The following CACNA1C variants were observed in gnomAD, a reference collection of about 807,000 sequenced individuals.
CACNA1C encodes the protein calcium voltage-gated channel subunit alpha1 C, also known as voltage-dependent L-type calcium channel subunit alpha-1C.
CACNA1C carries 30 observed loss-of-function variants against 229.0 expected under a neutral mutation model. The observed-to-expected ratio is 0.13, with a 90% CI of 0.10 to 0.18. The LOEUF (loss-of-function observed/expected upper bound fraction) is 0.18, where lower values mean the gene tolerates loss of function less well. Among genes scored for constraint, CACNA1C ranks in the 10% least tolerant of loss-of-function variants. The probability of loss-of-function intolerance (pLI) is 1.00; values close to 1 mark genes in which losing one functional copy is unlikely to be tolerated. For synonymous variants in CACNA1C, 1,114 were observed against 1,132.5 expected, an observed-to-expected ratio of 0.98 and a Z score of 0.33; for missense variants, 1,658 against 2,845.0, an observed-to-expected ratio of 0.58 and a Z score of 9.49.
intron 3 of CACNA1C, among the ~76,000 whole-genome samples, chr12:2,169,541 G>A (rs1024709583): frequency 6.6e-6 from 1 of 152,170 alleles, no homozygotes; most frequent in African/African-American, 2.4e-5. Context: ...TGTAGACATG[G>A]TGTACCTTTC....
intron 3 of CACNA1C, among the ~76,000 whole-genome samples, chr12:2,411,510 G>A (rs2098806919): frequency 6.6e-6 from 1 of 152,176 alleles, no homozygotes; most frequent in Non-Finnish European, 1.5e-5. Flanking sequence ...TGTGTGTTCA[G>A]AGCAGCTAAG....
intron 1 of CACNA1C, among the ~76,000 whole-genome samples, chr12:2,102,725 C>T (rs2076885271): frequency 6.6e-6 from 1 of 152,072 alleles, no homozygotes; most frequent in Admixed American, 6.5e-5. Context: ...TAATGCTATC[C>T]CTCCCCTATC....
chr12:2,233,834 C>A (rs2066257488), intron 3 of CACNA1C, among the ~76,000 whole-genome samples: 1 of 152,186 alleles, frequency 6.6e-6, no homozygotes, highest in African/African-American at 2.4e-5. Flanking sequence ...CACTCTCAGA[C>A]CCCAAAAGGA....
intron 7 of CACNA1C, among the ~76,000 whole-genome samples, chr12:2,498,328 G>A (rs891371281): frequency 2.0e-5 from 3 of 152,146 alleles, no homozygotes; most frequent in African/African-American, 7.2e-5. Flanking sequence ...CTTTTCACCT[G>A]CCTCCGTGCT....
At chr12:2,399,919 T>C (rs1443801285) in intron 3 of CACNA1C, among the ~76,000 whole-genome samples, 1 of 152,242 alleles carries the variant, frequency 6.6e-6, no homozygotes, top group Non-Finnish European at 1.5e-5. Context: ...GATATATTAA[T>C]GCCAATGTGT....
intron 3 of CACNA1C, among the ~76,000 whole-genome samples, chr12:2,371,491 T>C (rs1049460919): frequency 6.6e-6 from 1 of 152,076 alleles, no homozygotes; most frequent in African/African-American, 2.4e-5. Context: ...GGACCCCACC[T>C]CCATAGTTTC....
Position 2,595,885 on chromosome 12 carries a change from A to G in CACNA1C, c.2675A>G (p.Gln892Arg), listed in dbSNP as rs1568657435. 1 of 1,613,494 alleles carries G rather than the reference A, an allele frequency of 6.2e-7. No homozygotes were observed. ...CCTCTCCCGTACAGGTTTCGCCTCCAGTGCCACCGCATTGTCAATGACACG... is the reference window on the plus strand; with the variant it reads ...CCTCTCCCGTACAGGTTTCGCCTCCGGTGCCACCGCATTGTCAATGACACG... The part of the protein sequence containing the change: ...IFSSNNRFRL[Q>R]CHRIVNDTIF... The change falls in exon 20 of 47, where the codon CAG becomes CGG. Residue 892 changes from glutamine to arginine, a missense_variant. By Grantham distance (43) the Gln-to-Arg change is conservative (BLOSUM62 1). Coordinates refer to ENST00000399655, the MANE Select transcript of CACNA1C (RefSeq NM_000719.7). This position sits in a 1 kb window ranked among gnomAD's most constrained non-coding sequence, Gnocchi z 4.1.
chr12:2,373,835 C>T (rs2097939970), intron 3 of CACNA1C, among the ~76,000 whole-genome samples: 1 of 152,200 alleles, frequency 6.6e-6, no homozygotes, highest in South Asian at 2.1e-4. Context: ...GCAAGTCAAA[C>T]CTCATGCTTT....
At chr12:2,629,458 C>A (rs1401251543) in intron 29 of CACNA1C, among the ~76,000 whole-genome samples, 1 of 152,186 alleles carries the variant, frequency 6.6e-6, no homozygotes, top group Non-Finnish European at 1.5e-5. Flanking sequence ...AAGATCAGGA[C>A]ACATGTGCCT....
chr12:2,349,214 A>G (rs989274516), intron 3 of CACNA1C, among the ~76,000 whole-genome samples: 1 of 152,178 alleles, frequency 6.6e-6, no homozygotes, highest in Non-Finnish European at 1.5e-5. Flanking sequence ...AGAAGGGTAG[A>G]ATACAATACA....
At chr12:2,089,978 G>A (rs1290967822) in intron 1 of CACNA1C, among the ~76,000 whole-genome samples, 1 of 152,136 alleles carries the variant, frequency 6.6e-6, no homozygotes, top group African/African-American at 2.4e-5. Flanking sequence ...GCGGTGAGCT[G>A]CGATCATGCC....
chr12:2,541,402 A>ATGC (rs1400372963), intron 9 of CACNA1C, among the ~76,000 whole-genome samples: 1 of 152,220 alleles, frequency 6.6e-6, no homozygotes, highest in Non-Finnish European at 1.5e-5. Context: ...CAAAAAATGT[A>ATGC]ATAAGATGGG....
At chr12:2,437,742 T>C (rs1464493012) in intron 3 of CACNA1C, among the ~76,000 whole-genome samples, 1 of 151,544 alleles carries the variant, frequency 6.6e-6, no homozygotes, top group Non-Finnish European at 1.5e-5. Context: ...ATGGTGGTAA[T>C]GGGGATGGTG....
chr12:2,683,912 G>A (rs1281745178), intron 43 of CACNA1C, among the ~76,000 whole-genome samples: 2 of 152,208 alleles, frequency 1.3e-5, no homozygotes, highest in African/African-American at 4.8e-5. Flanking sequence ...ACAGGGAGGA[G>A]CCCCACGGGG....
intron 1 of CACNA1C, among the ~76,000 whole-genome samples, chr12:2,089,687 A>G (rs2069417933): frequency 6.6e-6 from 1 of 152,226 alleles, no homozygotes; most frequent in South Asian, 2.1e-4. Flanking sequence ...GTTACAGTTC[A>G]GTAGTGTTAA....
In CACNA1C at chr12:2,467,563, C is replaced by A. The variant is rs1311177520; in HGVS notation, c.757+9857C>A. Among the ~76,000 whole-genome samples, 1 of 152,182 alleles carries A rather than the reference C, an allele frequency of 6.6e-6. No individual in the cohort carries two copies. The highest frequency in any genetic ancestry group is 1.5e-5 in the Non-Finnish European group (1 of 68,014). ...GTTGTGCTCTGCAGATGGGGCAGAGCACCCTGGAGGGCAGCCAGAGACAGC... is the reference window on the plus strand; with the variant it reads ...GTTGTGCTCTGCAGATGGGGCAGAGAACCCTGGAGGGCAGCCAGAGACAGC... On this transcript the variant is annotated intron_variant, in intron 5 of 46. Transcript: ENST00000399655. The surrounding 1 kb of genome is among the most constrained non-coding windows in gnomAD (Gnocchi z 4.6).
At chr12:1,977,158 C>T (rs1166131706) in intron 1 of CACNA1C, among the ~76,000 whole-genome samples, 1 of 152,142 alleles carries the variant, frequency 6.6e-6, no homozygotes, top group African/African-American at 2.4e-5. Context: ...AAAGACGTAA[C>T]AAAGTCTCCA....
At chr12:2,268,139 A>G (rs908556727) in intron 3 of CACNA1C, among the ~76,000 whole-genome samples, 1 of 152,108 alleles carries the variant, frequency 6.6e-6, no homozygotes, top group African/African-American at 2.4e-5. Context: ...GCAAACCTTG[A>G]CTGGCTCCAA....
At chr12:2,155,100 A>G (rs181413012) in intron 3 of CACNA1C, among the ~76,000 whole-genome samples, 2 of 152,254 alleles carry the variant, frequency 1.3e-5, no homozygotes, top group East Asian at 1.9e-4. Flanking sequence ...TTCTCTTGCA[A>G]TCCCACAGGC....
Sources: gnomAD v4.1 joint callset for allele counts (sites outside exome capture counted in the v4.1 genomes callset) on GRCh38, gnomAD v4.1.1 for gene constraint, Gnocchi (gnomAD v3.1) non-coding constraint, MANE v1.5 for transcripts, NCBI Gene and HGNC (gene_info 2026-07-23, HGNC 2026-07-21) for gene names.